Variants in MCPH1 observed in about 807,000 individuals in gnomAD.
MCPH1 encodes the protein microcephalin 1, also known as microcephalin.
MCPH1 carries 104 observed loss-of-function variants against 84.5 expected under a neutral mutation model. That is an observed-to-expected ratio of 1.23 (90% CI 1.05 to 1.45). The LOEUF (loss-of-function observed/expected upper bound fraction) is 1.45. MCPH1 is among the 40% of genes most tolerant of loss of function. The pLI, the probability that MCPH1 is intolerant of heterozygous loss-of-function variation, is 0.00. For missense variants in MCPH1, 1,498 were observed against 1,005.7 expected (o/e 1.49, Z -6.62); for synonymous variants, 514 against 366.8 (o/e 1.40, Z -4.58).
intron 12 of MCPH1, 109 bp from the exon 13 acceptor site, chr8:6,621,345 A>G: frequency 7.4e-7 from 1 of 1,347,462 alleles, no homozygotes; most frequent in Non-Finnish European, 1.0e-6. Flanking sequence ...GCAGCCTTAC[A>G]TTCAGTCTAT....
At chr8:6,483,338 T>C (rs1158109955) in intron 11 of MCPH1, among the ~76,000 whole-genome samples, 2 of 152,158 alleles carry the variant, frequency 1.3e-5, no homozygotes, top group Non-Finnish European at 2.9e-5. Flanking sequence ...AAAATTTCTA[T>C]GGAGATATTA....
intron 12 of MCPH1, among the ~76,000 whole-genome samples, chr8:6,613,275 G>A (rs1393533249): frequency 6.6e-6 from 1 of 152,214 alleles, no homozygotes; most frequent in Non-Finnish European, 1.5e-5. Context: ...AGGACGAGCC[G>A]GGTAGAAACA....
intron 12 of MCPH1, among the ~76,000 whole-genome samples, chr8:6,615,101 C>G (rs901708167): frequency 1.4e-4 from 22 of 152,230 alleles, no homozygotes; most frequent in African/African-American, 5.1e-4. Context: ...AATGTTTTAG[C>G]AAGTTAGCTC....
chr8:6,471,154 G>T (rs1807667047), intron 9 of MCPH1, among the ~76,000 whole-genome samples: 1 of 152,112 alleles, frequency 6.6e-6, no homozygotes, highest in Admixed American at 6.5e-5. Flanking sequence ...TCACCTGTAA[G>T]GCTGAGAACA....
rs1211185257 is a variant in MCPH1 at position 6,556,398 on chromosome 8, A to G, written c.2214+56469A>G. Among the ~76,000 whole-genome samples, 7 of 152,140 alleles carry G rather than the reference A, an allele frequency of 4.6e-5. No homozygotes were observed. The East Asian group carries it at 1.4e-3, about 29-fold the overall frequency. The stretch of plus-strand genomic sequence containing the variant: ...AACCATTGAGAAATAGTTCTAATTG[A>G]TTTTCCTTTTATAAAAGGGTTTCCG... On this transcript the variant is annotated intron_variant, in intron 12 of 13. Transcript: ENST00000344683.
At chr8:6,445,579 G>A (rs760573577) in intron 8 of MCPH1, 32 bp downstream of exon 8, 18 of 1,549,306 alleles carry the variant, frequency 1.2e-5, no homozygotes, top group Middle Eastern at 1.7e-4. Flanking sequence ...AGTCACCTTC[G>A]CTAAATAAAC....
intron 12 of MCPH1, among the ~76,000 whole-genome samples, chr8:6,583,968 T>C (rs1037898893): frequency 2.0e-5 from 3 of 152,028 alleles, no homozygotes; most frequent in Non-Finnish European, 2.9e-5. Flanking sequence ...TAGTTCAAGA[T>C]TCATCATACA....
intron 12 of MCPH1, among the ~76,000 whole-genome samples, chr8:6,593,866 C>T (rs1271547969): frequency 1.3e-5 from 2 of 152,152 alleles, no homozygotes; most frequent in East Asian, 3.9e-4. Flanking sequence ...AACAATAGAC[C>T]TCTGTTCATT....
chr8:6,465,576 C>T (rs1223257090), intron 9 of MCPH1, among the ~76,000 whole-genome samples: 1 of 152,172 alleles, frequency 6.6e-6, no homozygotes, highest in East Asian at 1.9e-4. Context: ...GGAAGAAATG[C>T]TCCCCGGGTC....
chr8:6,421,621 C>A lies in MCPH1; in HGVS notation c.233+6738C>A, dbSNP rs144942603. Among the ~76,000 whole-genome samples the A allele has an allele frequency of 1.8e-3, 279 of 152,152 alleles. 2 individuals are homozygous for A. Among genetic ancestry groups the A allele is most frequent in the African/African-American group, 6.6e-3 (273 of 41,496 alleles). ...ATTCAATTTTAGTATCCATAAATAC[C>A]GTTTTATTGGAACACAGGCATGTTC... On this transcript the variant is annotated intron_variant, in intron 3 of 13. Transcript: ENST00000344683.
intron 11 of MCPH1, among the ~76,000 whole-genome samples, chr8:6,490,666 C>G (rs1810461555): frequency 6.6e-6 from 1 of 152,108 alleles, no homozygotes; most frequent in Non-Finnish European, 1.5e-5. Flanking sequence ...ATGCCTTTCT[C>G]CTAAAATTAA....
chr8:6,601,962 T>C (rs1210770943), intron 12 of MCPH1, among the ~76,000 whole-genome samples: 1 of 152,240 alleles, frequency 6.6e-6, no homozygotes, highest in African/African-American at 2.4e-5. Context: ...CAGTGTACCA[T>C]AGTAATTAAT....
chr8:6,431,531 C>G lies in MCPH1; in HGVS notation c.266C>G (p.Ser89Ter). Residue 89 changes from serine (S) to a stop codon, truncating the protein, a stop_gained, in exon 4 of 14, where the codon TCA becomes TGA. Coordinates refer to ENST00000344683, the MANE Select transcript of MCPH1 (RefSeq NM_024596.5). LOFTEE classifies it high-confidence loss of function. ...ACAGCTGGAGCACACATTGATGAAT[C>G]ATTGTTCCCTGCAGCTAATATGAAT... The part of the protein sequence containing the change: ...CRTAGAHIDE[S>*]LFPAANMNEH... 2 of 1,613,386 alleles carry G rather than the reference C, an allele frequency of 1.2e-6. No individual in the cohort carries two copies. Among genetic ancestry groups the G allele is most frequent in the Non-Finnish European group, 1.7e-6 (2 of 1,179,706 alleles).
chr8:6,583,072 CCTGGGGTAAAAATG>C (rs965372887), intron 12 of MCPH1, among the ~76,000 whole-genome samples: 21 of 152,260 alleles, frequency 1.4e-4, no homozygotes, highest in Non-Finnish European at 2.5e-4. Context: ...AACCAAAACT[CCTGGGGTAAAAATG>C]CTGCTTTTCA....
At chr8:6,432,308 C>G (rs1401439921) in intron 4 of MCPH1, among the ~76,000 whole-genome samples, 1 of 152,144 alleles carries the variant, frequency 6.6e-6, no homozygotes, top group East Asian at 1.9e-4. Flanking sequence ...TTTAAAATAC[C>G]TAATACAATG....
At chr8:6,470,641 G>C (rs1253644747) in intron 9 of MCPH1, among the ~76,000 whole-genome samples, 2 of 152,200 alleles carry the variant, frequency 1.3e-5, no homozygotes, top group African/African-American at 4.8e-5. Flanking sequence ...TGCTTTTGCT[G>C]CCTCTCATGT....
intron 12 of MCPH1, among the ~76,000 whole-genome samples, chr8:6,620,503 G>A (rs955474279): frequency 4.6e-5 from 7 of 152,018 alleles, no homozygotes; most frequent in Admixed American, 1.3e-4. Flanking sequence ...TGACTGAGAG[G>A]ACCCCGACGT....
intron 13 of MCPH1, among the ~76,000 whole-genome samples, chr8:6,640,153 T>G (rs1797854331): frequency 6.6e-6 from 1 of 151,802 alleles, no homozygotes; most frequent in South Asian, 2.1e-4. Flanking sequence ...CTGAACAATC[T>G]GAATTCAATT....
chr8:6,448,687 G>T (rs1804716342), intron 8 of MCPH1, among the ~76,000 whole-genome samples: 2 of 152,252 alleles, frequency 1.3e-5, no homozygotes, highest in South Asian at 4.1e-4. Context: ...TTTTTTGCAT[G>T]CATAGAATTA....
Sources: allele counts gnomAD v4.1 joint callset (sites outside exome capture counted in the v4.1 genomes callset), GRCh38; gene constraint gnomAD v4.1.1; transcripts MANE v1.5; gene names NCBI Gene and HGNC (gene_info 2026-07-23, HGNC 2026-07-21).